The following KLHL1 variants were observed in gnomAD, a reference collection of about 807,000 sequenced individuals.
The protein encoded by KLHL1 is kelch like family member 1.
KLHL1 carries 47 observed loss-of-function variants against 77.7 expected under a neutral mutation model. The ratio of observed to expected loss-of-function variants is 0.60; its 90% CI spans 0.48 to 0.77. The LOEUF is 0.77. Ranked by LOEUF, KLHL1 falls within the 30% of genes least tolerant of loss-of-function variation. The pLI is 0.00. For synonymous variants in KLHL1, 360 were observed against 325.2 expected (o/e 1.11, Z -1.15); for missense variants, 925 against 910.8 (o/e 1.02, Z -0.20).
intron 7 of KLHL1, among the ~76,000 whole-genome samples, chr13:69,744,765 AGTT>A (rs1874137068): frequency 6.6e-6 from 1 of 151,928 alleles, no homozygotes; most frequent in African/African-American, 2.4e-5. Context: ...AATTATTTAA[AGTT>A]GTTATCTGTG....
At chr13:69,936,189 G>T (rs539394117) in intron 4 of KLHL1, among the ~76,000 whole-genome samples, 30 of 152,226 alleles carry the variant, frequency 2.0e-4, no homozygotes, top group African/African-American at 7.2e-4. Flanking sequence ...TAAGAGTGAA[G>T]GAACCATACA....
intron 3 of KLHL1, among the ~76,000 whole-genome samples, chr13:69,946,306 A>G (rs1211012667): frequency 6.6e-6 from 1 of 152,188 alleles, no homozygotes; most frequent in African/African-American, 2.4e-5. Flanking sequence ...TACATTTTGT[A>G]TATGTGCAGT....
intron 1 of KLHL1, among the ~76,000 whole-genome samples, chr13:70,019,995 T>A (rs868675772): frequency 6.6e-6 from 1 of 152,166 alleles, no homozygotes; most frequent in African/African-American, 2.4e-5. Flanking sequence ...TGTTCCTTTT[T>A]GCCCTTCTGC....
intron 4 of KLHL1, among the ~76,000 whole-genome samples, chr13:69,896,888 G>A (rs1434171084): frequency 6.6e-6 from 1 of 151,792 alleles, no homozygotes; most frequent in African/African-American, 2.4e-5. Flanking sequence ...GGCCAGGCTG[G>A]TCTCGACTCC....
chr13:70,002,559 T>A (rs765531996), intron 1 of KLHL1, among the ~76,000 whole-genome samples: 1 of 151,404 alleles, frequency 6.6e-6, no homozygotes, highest in African/African-American at 2.4e-5. Flanking sequence ...AAAATAATAA[T>A]AAAAGTTCCA....
At chr13:70,026,376 G>T (rs1024783102) in intron 1 of KLHL1, among the ~76,000 whole-genome samples, 12 of 152,076 alleles carry the variant, frequency 7.9e-5, no homozygotes, top group African/African-American at 2.9e-4. Context: ...ACTTAGAAAA[G>T]ATAACACAAT....
intron 7 of KLHL1, among the ~76,000 whole-genome samples, chr13:69,760,963 A>C (rs768769252): frequency 6.6e-6 from 1 of 152,104 alleles, no homozygotes; most frequent in Non-Finnish European, 1.5e-5. Flanking sequence ...GTTTACCCAC[A>C]ACAGAATCTC....
chr13:70,077,367 A>G (rs1335069818), intron 1 of KLHL1, among the ~76,000 whole-genome samples: 3 of 151,898 alleles, frequency 2.0e-5, no homozygotes, highest in Non-Finnish European at 4.4e-5. Context: ...CACAAAGGCT[A>G]CATATTCTAT....
chr13:69,773,625 T>C (rs1009763091), intron 7 of KLHL1, among the ~76,000 whole-genome samples: 1 of 151,894 alleles, frequency 6.6e-6, no homozygotes, highest in Admixed American at 6.6e-5. Context: ...ACTCCTACAT[T>C]ATTAGGTGAC....
At chr13:69,937,817 T>C (rs937303998) in intron 4 of KLHL1, among the ~76,000 whole-genome samples, 1 of 152,108 alleles carries the variant, frequency 6.6e-6, no homozygotes, top group Admixed American at 6.6e-5. Context: ...AGAAGAGAAA[T>C]ATAGATAGCA....
At chr13:69,745,465 A>C (rs377131130) in intron 7 of KLHL1, among the ~76,000 whole-genome samples, 2 of 151,932 alleles carry the variant, frequency 1.3e-5, no homozygotes, top group African/African-American at 4.8e-5. Context: ...TCACTTTCTT[A>C]ATCTTGTCTT....
chr13:69,738,386 G>A (rs1401441352), intron 8 of KLHL1, among the ~76,000 whole-genome samples: 1 of 152,074 alleles, frequency 6.6e-6, no homozygotes, highest in Non-Finnish European at 1.5e-5. Context: ...ACAGAACTGG[G>A]CGGAGGCTGA....
chr13:70,048,745 A>C (rs141630224), intron 1 of KLHL1, among the ~76,000 whole-genome samples: 67 of 152,316 alleles, frequency 4.4e-4, no homozygotes, highest in African/African-American at 1.6e-3. Flanking sequence ...CCAGCGATGG[A>C]GAGCAGTTGT....
At chr13:69,905,201 T>C (rs1163667772) in intron 4 of KLHL1, among the ~76,000 whole-genome samples, 1 of 152,156 alleles carries the variant, frequency 6.6e-6, no homozygotes, top group Non-Finnish European at 1.5e-5. Context: ...TGTAATGGAA[T>C]CTACATGTTG....
At chr13:69,898,697 A>G (rs1322361161) in intron 4 of KLHL1, among the ~76,000 whole-genome samples, 1 of 152,188 alleles carries the variant, frequency 6.6e-6, no homozygotes, top group Admixed American at 6.5e-5. Context: ...GGGATATCTT[A>G]GTGGGGAATG....
At chr13:70,057,814 G>GAAAAGA (rs1783315186) in intron 1 of KLHL1, among the ~76,000 whole-genome samples, 2 of 142,428 alleles carry the variant, frequency 1.4e-5, no homozygotes, top group South Asian at 4.5e-4. Context: ...AAGAAAGAAA[G>GAAAAGA]AAAAGAAAAA....
intron 3 of KLHL1, among the ~76,000 whole-genome samples, chr13:69,957,693 T>G (rs1471761015): frequency 4.0e-5 from 6 of 151,812 alleles, no homozygotes; most frequent in Non-Finnish European, 7.4e-5. Context: ...CAACTAAGTA[T>G]TTTCTTTACA....
At chr13:69,742,476 T>C (rs1260223798) in intron 7 of KLHL1, among the ~76,000 whole-genome samples, 1 of 152,206 alleles carries the variant, frequency 6.6e-6, no homozygotes, top group Non-Finnish European at 1.5e-5. Flanking sequence ...TTCATTCATT[T>C]AACTATTATT....
At chr13:69,811,442 C>T (rs1435142717) in intron 6 of KLHL1, among the ~76,000 whole-genome samples, 3 of 151,034 alleles carry the variant, frequency 2.0e-5, no homozygotes, top group East Asian at 3.9e-4. Flanking sequence ...TTCCTGATAA[C>T]AATCCTAAAC....
Sources: gnomAD v4.1 joint callset for allele counts (sites outside exome capture counted in the v4.1 genomes callset) on GRCh38, gnomAD v4.1.1 for gene constraint, MANE v1.5 for transcripts, NCBI Gene and HGNC (gene_info 2026-07-23, HGNC 2026-07-21) for gene names.